The following VAV1 variants were observed in gnomAD, a reference collection of about 807,000 sequenced individuals.
VAV1 encodes vav guanine nucleotide exchange factor 1, also known as proto-oncogene vav.
A neutral mutation model predicts 128.1 loss-of-function variants in VAV1; 33 were observed. The ratio of observed to expected loss-of-function variants is 0.26; its 90% CI spans 0.20 to 0.34. The LOEUF (loss-of-function observed/expected upper bound fraction) is 0.34. VAV1 is among the 10% of genes least tolerant of loss of function. VAV1 has a pLI of 1.00. For synonymous variants in VAV1, 394 were observed against 409.8 expected (o/e 0.96, Z 0.47); for missense variants, 715 against 1,093.7 (o/e 0.65, Z 4.88).
In VAV1 at chr19:6,810,338, T is replaced by G. The variant is rs189717785; in HGVS notation, c.205-10364T>G. On this transcript the variant is annotated intron_variant, in intron 1 of 26. Transcript: ENST00000602142. ...GAGTGAGACCCTGTCTCTAAAGAAA[T>G]AAAAATAAAAATAAACCCGACTTTC... 1.2e-3 allele frequency among the ~76,000 whole-genome samples: 176 copies of G among 151,936 alleles called. 1 individual carries two copies. The Middle Eastern group carries it at 0.044, about 38-fold the overall frequency.
intron 1 of VAV1, among the ~76,000 whole-genome samples, chr19:6,792,013 G>T (rs141236402): frequency 2.0e-5 from 3 of 152,120 alleles, no homozygotes; most frequent in South Asian, 2.1e-4. Context: ...GGAACTTAAG[G>T]GGGGGATGGG....
At chr19:6,803,680 T>C (rs1471843260) in intron 1 of VAV1, among the ~76,000 whole-genome samples, 1 of 152,182 alleles carries the variant, frequency 6.6e-6, no homozygotes, top group African/African-American at 2.4e-5. Context: ...TTCTCCTGCC[T>C]CAGCCTCCTG....
intron 1 of VAV1, among the ~76,000 whole-genome samples, chr19:6,790,105 G>C (rs894555332): frequency 6.6e-6 from 1 of 152,178 alleles, no homozygotes; most frequent in African/African-American, 2.4e-5. Flanking sequence ...TTAAGCCCAG[G>C]AGGTGGAGGT....
At position 6,832,052 on chromosome 19, in the gene VAV1, G is replaced by A. The variant is rs74356028; in HGVS notation, c.1399-39G>A. 3.4e-3 allele frequency: 5,359 copies of A among 1,599,490 alleles called. 162 individuals are homozygous for A. In the African/African-American group the frequency reaches 0.063, roughly 19 times the overall value. On this transcript the variant is annotated intron_variant, in intron 14 of 26. Transcript: ENST00000602142. ...GTGGGTGTGTGCTCCCACCCTCTGCGGGGGCAGTGCCTTCAGTCTGAGCTC... is the reference window on the plus strand; with the variant it reads ...GTGGGTGTGTGCTCCCACCCTCTGCAGGGGCAGTGCCTTCAGTCTGAGCTC...
Position 6,857,199 on chromosome 19 carries a change from G to T in VAV1, c.*92G>T. The T allele has an allele frequency of 1.3e-6, 2 of 1,565,502 alleles. No homozygotes were observed. Among genetic ancestry groups the T allele is most frequent in the Non-Finnish European group, 1.7e-6 (2 of 1,151,082 alleles). Reference sequence around the variant, plus strand: ...GCCAGGGGCTGTGACAGCTCCCGGCGGGTGGAGACTTTGGGATGGACTGGA... The same window carrying T: ...GCCAGGGGCTGTGACAGCTCCCGGCTGGTGGAGACTTTGGGATGGACTGGA... On this transcript the variant is annotated 3_prime_UTR_variant, in exon 27 of 27. Coordinates refer to ENST00000602142, the MANE Select transcript of VAV1 (RefSeq NM_005428.4).
rs369064064 is a variant in VAV1, at chr19:6,772,786, C to T, written c.-22C>T. The T allele has an allele frequency of 7.5e-5, 120 of 1,607,784 alleles. No individual in the cohort carries two copies. In the African/African-American group the frequency reaches 8.8e-4, roughly 12 times the overall value. ...GGTGGAGGCTGCGAGGGTGCACGGC[C>T]GGCCCTGGGCAGGCGGTAGCCATGG... On this transcript the variant is annotated 5_prime_UTR_variant, in exon 1 of 27. Coordinates refer to ENST00000602142, the MANE Select transcript of VAV1 (RefSeq NM_005428.4). The surrounding 1 kb of genome is among the most constrained non-coding windows in gnomAD (Gnocchi z 4.8).
Position 6,837,010 on chromosome 19 carries a change from T to C in VAV1, c.1940T>C (p.Ile647Thr), listed in dbSNP as rs1255512643. Residue 647 changes from isoleucine (I) to threonine (T), a missense_variant, in exon 21 of 27, where the codon ATT (isoleucine) becomes ACT (threonine). This residue lies in a region of VAV1 where 407 missense variants were observed against 580.6 expected (regional missense o/e 0.70). Transcript: ENST00000602142. ...GGCAGAAATACATCTACTAATGAAATTGGCTGGTTTCCTTGTAACAGGGTG... is the reference window on the plus strand; with the variant it reads ...GGCAGAAATACATCTACTAATGAAACTGGCTGGTTTCCTTGTAACAGGGTG... The part of the protein sequence containing the change: ...WEGRNTSTNE[I>T]GWFPCNRVKP... The C allele has an allele frequency of 2.5e-6, 4 of 1,614,088 alleles. No individual in the cohort carries two copies. In the South Asian group the frequency reaches 4.4e-5, roughly 18 times the overall value.
In VAV1 at chr19:6,823,919, T is replaced by G. The variant is rs145451984; in HGVS notation, c.655-1134T>G. Among the ~76,000 whole-genome samples, 700 of 151,468 alleles carry G rather than the reference T, an allele frequency of 4.6e-3. 5 individuals carry two copies. Among genetic ancestry groups the G allele is most frequent in the African/African-American group, 0.016 (636 of 41,014 alleles). On this transcript the variant is annotated intron_variant, in intron 6 of 26. Coordinates refer to ENST00000602142, the MANE Select transcript of VAV1 (RefSeq NM_005428.4). ...AATATTTTCATTTGTTTTGTTTTGG[T>G]TTTTTTTGTTTCTTTTTTTTTGATT...
At chr19:6,807,989 CAA>C (rs980612666) in intron 1 of VAV1, among the ~76,000 whole-genome samples, 6 of 52,284 alleles carry the variant, frequency 1.1e-4, no homozygotes, top group Non-Finnish European at 1.6e-4. Flanking sequence ...GACTCTGTCT[CAA>C]AAAAAAAAAA....
intron 8 of VAV1, 40 bp downstream of exon 8, chr19:6,825,446 C>A (rs1971896202): frequency 1.3e-6 from 2 of 1,559,594 alleles, no homozygotes; most frequent in South Asian, 2.3e-5. Context: ...TGGGGTCACT[C>A]TGTCTTGCCT....
intron 22 of VAV1, among the ~76,000 whole-genome samples, chr19:6,844,063 CTTTTTTTTTTTTTTTTTTTTTTTTTTTTT>C (rs71177123): frequency 0.023 from 485 of 21,354 alleles, 20 homozygotes; most frequent in African/African-American, 0.056. Context: ...TCTTCTTCTT[CTTTTTTTTTTTTTTTTTTTTTTTTTTTTT>C]TTTTTTTTTT....
chr19:6,824,512 C>T (rs1049688889), intron 6 of VAV1, among the ~76,000 whole-genome samples: 1 of 152,026 alleles, frequency 6.6e-6, no homozygotes, highest in African/African-American at 2.4e-5. Context: ...GAATAATATT[C>T]CATTGTATGG....
In VAV1 at chr19:6,780,719, G is replaced by A. The variant is rs543180855; in HGVS notation, c.204+7708G>A. On this transcript the variant is annotated intron_variant, in intron 1 of 26. Transcript: ENST00000602142. ...CCCGAGTAGCTGGGATTACAGGCAC[G>A]TGCCACCACATCCGGCTAATTTTTT... 8.2e-5 allele frequency among the ~76,000 whole-genome samples: 12 copies of A among 146,012 alleles called. No individual in the cohort carries two copies. The East Asian group carries it at 2.0e-3, about 24-fold the overall frequency.
In VAV1 at chr19:6,787,746, C is replaced by T. The variant is rs905809035; in HGVS notation, c.204+14735C>T. Among the ~76,000 whole-genome samples the T allele has an allele frequency of 7.9e-5, 12 of 151,954 alleles. 1 individual carries two copies. Among genetic ancestry groups the T allele is most frequent in the Admixed American group, 7.2e-4 (11 of 15,228 alleles). On this transcript the variant is annotated intron_variant, in intron 1 of 26. Transcript: ENST00000602142. ...CAAGTAGTTGGGACTAATAGGTGTG[C>T]GTCACCATGCCCAACTGTTTTTTTA...
Position 6,772,921 on chromosome 19 carries a change from G to A in VAV1, c.114G>A (p.Arg38=), listed in dbSNP as rs140697515. ...AQVCELAQAL[R]DGVLLCQLLN... Reference sequence around the variant, plus strand: ...TGTGTGAACTGGCCCAGGCCCTCCGGGATGGTGTCCTTCTGTGTCAGCTGC... The same window carrying A: ...TGTGTGAACTGGCCCAGGCCCTCCGAGATGGTGTCCTTCTGTGTCAGCTGC... The change falls in exon 1 of 27, where the codon CGG becomes CGA. Residue 38 remains arginine, a synonymous_variant. Coordinates refer to ENST00000602142, the MANE Select transcript of VAV1 (RefSeq NM_005428.4). This position sits in a 1 kb window ranked among gnomAD's most constrained non-coding sequence, Gnocchi z 4.8. 1.2e-5 allele frequency: 19 copies of A among 1,613,976 alleles called. No individual in the cohort carries two copies. The African/African-American group carries it at 2.3e-4, about 19-fold the overall frequency.
intron 1 of VAV1, among the ~76,000 whole-genome samples, chr19:6,773,771 C>A (rs541439751): frequency 3.4e-4 from 51 of 152,166 alleles, no homozygotes; most frequent in African/African-American, 1.2e-3. Context: ...ATATTCAAAT[C>A]CCTATTTGAA....
rs1555704925 is a variant in VAV1 at position 6,836,874 on chromosome 19, A to ACACATG, written c.1915-107_1915-106insTGCACA. On this transcript the variant is annotated intron_variant, in intron 20 of 26. Transcript: ENST00000602142. ...CACACACACACACACACACACACAC[A>ACACATG]CACACGAGTGATGGGGCAGGATCCA... The ACACATG allele has an allele frequency of 1.3e-3, 753 of 594,712 alleles. 9 individuals are homozygous for ACACATG. In the African/African-American group the frequency reaches 0.013, roughly 10 times the overall value. 36.8% of individuals were successfully genotyped at this position (594,712 alleles called of 1,614,324 possible).
chr19:6,783,186 A>C (rs1970803749), intron 1 of VAV1, among the ~76,000 whole-genome samples: 1 of 150,794 alleles, frequency 6.6e-6, no homozygotes, highest in Non-Finnish European at 1.5e-5. Context: ...CTCAAAAAAA[A>C]CAAAAACAAA....
chr19:6,821,043 G>A (rs951936639), intron 2 of VAV1, among the ~76,000 whole-genome samples: 4 of 152,126 alleles, frequency 2.6e-5, no homozygotes, highest in Admixed American at 6.5e-5. Flanking sequence ...TGAGCCCCTC[G>A]TTTCTCATCT....
Sources: gnomAD v4.1 joint callset for allele counts (sites outside exome capture counted in the v4.1 genomes callset) on GRCh38, gnomAD v4.1.1 for gene constraint, gnomAD v4.1.1 regional missense constraint, Gnocchi (gnomAD v3.1) non-coding constraint, MANE v1.5 for transcripts, NCBI Gene and HGNC (gene_info 2026-07-23, HGNC 2026-07-21) for gene names.